Variants in TGM5 observed in about 807,000 individuals in gnomAD.
TGM5 encodes protein-glutamine gamma-glutamyltransferase 5.
A neutral mutation model predicts 77.2 loss-of-function variants in TGM5; 69 were observed. That is an observed-to-expected ratio of 0.89 (90% confidence interval 0.74 to 1.09). TGM5 has a LOEUF of 1.09. TGM5 is among the 50% of genes least tolerant of loss of function. The pLI, the probability that TGM5 is intolerant of heterozygous loss-of-function variation, is 0.00. For missense variants in TGM5, 842 were observed against 896.5 expected (o/e 0.94, Z 0.78); for synonymous variants, 346 against 351.8 (o/e 0.98, Z 0.18).
rs1283729300 is a variant in TGM5, at chr15:43,239,267, C to T, written c.1002-1G>A. On this transcript the variant is annotated splice_acceptor_variant, in intron 7 of 12. Transcript: ENST00000220420. LOFTEE classifies it high-confidence loss of function. ...GCACTCATTCCAGACATGGAAGTTC[C>T]TGTGTCAAACAGAGCCAAGGGAGAC... The T allele has an allele frequency of 6.2e-7, 1 of 1,614,142 alleles. No individual in the cohort carries two copies. Among genetic ancestry groups the T allele is most frequent in the East Asian group, 2.2e-5 (1 of 44,882 alleles).
chr15:43,248,324 C>A (rs1002342287), intron 6 of TGM5, among the ~76,000 whole-genome samples: 1 of 152,146 alleles, frequency 6.6e-6, no homozygotes, highest in Non-Finnish European at 1.5e-5. Context: ...AGGAACCCAC[C>A]ACCACGCCCA....
intron 6 of TGM5, among the ~76,000 whole-genome samples, chr15:43,242,053 T>A (rs1028541100): frequency 5.3e-5 from 8 of 151,744 alleles, no homozygotes; most frequent in Non-Finnish European, 1.2e-4. Context: ...TAATAGTATC[T>A]ACCAGCTGGG....
chr15:43,237,196 T>G (rs1188212999), intron 9 of TGM5, among the ~76,000 whole-genome samples: 1 of 152,222 alleles, frequency 6.6e-6, no homozygotes, highest in African/African-American at 2.4e-5. Context: ...ATCAAAGCCC[T>G]GCCCATATTC....
At chr15:43,258,749 C>A (rs916065265) in intron 3 of TGM5, among the ~76,000 whole-genome samples, 8 of 152,210 alleles carry the variant, frequency 5.3e-5, no homozygotes, top group African/African-American at 1.9e-4. Context: ...TCAGCCCCCA[C>A]CAACCCTAGG....
intron 6 of TGM5, among the ~76,000 whole-genome samples, chr15:43,241,485 A>T (rs1332118855): frequency 1.3e-5 from 2 of 152,172 alleles, no homozygotes; most frequent in East Asian, 3.8e-4. Context: ...AAGCCTCTCT[A>T]GAAAAGCATC....
At chr15:43,262,550 G>A (rs982333769) in intron 1 of TGM5, among the ~76,000 whole-genome samples, 42 of 152,324 alleles carry the variant, frequency 2.8e-4, no homozygotes, top group African/African-American at 9.6e-4. Context: ...ACTTTGGGAG[G>A]CCGAGGCGGG....
At chr15:43,243,343 CCA>C (rs1419163487) in intron 6 of TGM5, among the ~76,000 whole-genome samples, 1 of 152,230 alleles carries the variant, frequency 6.6e-6, no homozygotes, top group Non-Finnish European at 1.5e-5. Flanking sequence ...GTTCAACTCA[CCA>C]CTATCCTGAT....
chr15:43,239,113 G>A, intron 8 of TGM5, 50 bp downstream of exon 8: 1 of 1,614,130 alleles, frequency 6.2e-7, no homozygotes, highest in Non-Finnish European at 8.5e-7. Context: ...GGGCAGGGGT[G>A]GGGTGCTTTC....
At position 43,259,972 on chromosome 15, in the gene TGM5, G is replaced by A; in HGVS notation, c.436+80C>T. Reference sequence around the variant, plus strand: ...AGGCTCTGGGTGGCCCGGGAGCGGGGTCTAGAAACCCTTGAGCCTGTCTCT... The same window carrying A: ...AGGCTCTGGGTGGCCCGGGAGCGGGATCTAGAAACCCTTGAGCCTGTCTCT... On this transcript the variant is annotated intron_variant, in intron 3 of 12. Transcript: ENST00000220420. 1.9e-6 allele frequency: 3 copies of A among 1,606,006 alleles called. No homozygotes were observed. In the South Asian group the frequency reaches 3.3e-5, roughly 18 times the overall value.
chr15:43,250,305 A>G (rs1381491592), intron 6 of TGM5, among the ~76,000 whole-genome samples: 1 of 152,252 alleles, frequency 6.6e-6, no homozygotes, highest in Non-Finnish European at 1.5e-5. Context: ...ACTCTCCAGT[A>G]TGAAGTCACT....
In TGM5 at chr15:43,253,491, C is replaced by A. The variant is rs367910565; in HGVS notation, c.684+15G>T. The A allele has an allele frequency of 6.2e-7, 1 of 1,609,942 alleles. No individual in the cohort carries two copies. The highest frequency in any genetic ancestry group is 8.5e-7 in the Non-Finnish European group (1 of 1,179,996). ...GCACAGCTTCCTCCCTCCCCGGGCA[C>A]GCCAGGGACCTCACCATGGCACACA... On this transcript the variant is annotated intron_variant, in intron 5 of 12. Coordinates refer to ENST00000220420, the MANE Select transcript of TGM5 (RefSeq NM_201631.4).
chr15:43,244,511 C>T (rs2042658453), intron 6 of TGM5, among the ~76,000 whole-genome samples: 1 of 152,220 alleles, frequency 6.6e-6, no homozygotes, highest in Non-Finnish European at 1.5e-5. Context: ...ACTACATGCA[C>T]TGATGCAGTG....
intron 6 of TGM5, among the ~76,000 whole-genome samples, chr15:43,242,855 G>T (rs1264354181): frequency 1.3e-5 from 2 of 152,238 alleles, no homozygotes; most frequent in Non-Finnish European, 2.9e-5. Flanking sequence ...CCCTGAGACA[G>T]CAGTGAGGCA....
At chr15:43,261,697 T>G (rs1400766551) in intron 1 of TGM5, among the ~76,000 whole-genome samples, 2 of 152,188 alleles carry the variant, frequency 1.3e-5, no homozygotes, top group Non-Finnish European at 2.9e-5. Context: ...CACCTGTCAC[T>G]AACTCTCTTC....
intron 4 of TGM5, among the ~76,000 whole-genome samples, chr15:43,255,176 A>G (rs1014908436): frequency 1.3e-5 from 2 of 152,086 alleles, no homozygotes; most frequent in Non-Finnish European, 2.9e-5. Context: ...TCTGCAAAAA[A>G]TAAAAAAATT....
intron 6 of TGM5, among the ~76,000 whole-genome samples, chr15:43,252,509 G>T (rs1364071953): frequency 1.3e-5 from 2 of 151,952 alleles, no homozygotes; most frequent in African/African-American, 4.8e-5. Flanking sequence ...GTAGAGACGG[G>T]GTTTCACCAT....
chr15:43,244,920 T>C (rs1325153913), intron 6 of TGM5, among the ~76,000 whole-genome samples: 3 of 151,846 alleles, frequency 2.0e-5, no homozygotes, highest in Admixed American at 1.3e-4. Flanking sequence ...AATAAAAAAA[T>C]TGGCCGGGTA....
Position 43,239,024 on chromosome 15 carries a change from C to G in TGM5, c.1138G>C (p.Ala380Pro). The G allele has an allele frequency of 6.2e-7, 1 of 1,614,110 alleles. No individual in the cohort carries two copies. Among genetic ancestry groups the G allele is most frequent in the Middle Eastern group, 1.6e-4 (1 of 6,062 alleles). ...VYCCGPASVR[A>P]IKEGEVDLNY... is the part of the protein sequence containing the mutation. The stretch of plus-strand genomic sequence containing the variant: ...AGGTCCACTTCTCCTTCTTTGATGG[C>G]TCTGACAGAGGCAGGGCCACAGCAG... Residue 380 changes from alanine (A) to proline (P), a missense_variant, in exon 9 of 13, where the codon GCC (alanine) becomes CCC (proline). Transcript: ENST00000220420.
intron 6 of TGM5, among the ~76,000 whole-genome samples, chr15:43,251,169 G>A (rs2042700736): frequency 6.6e-6 from 1 of 152,098 alleles, no homozygotes; most frequent in African/African-American, 2.4e-5. Flanking sequence ...TTCATGACAT[G>A]GAGTCTCAAA....
Sources: allele counts gnomAD v4.1 joint callset (sites outside exome capture counted in the v4.1 genomes callset), GRCh38; gene constraint gnomAD v4.1.1; transcripts MANE v1.5; gene names NCBI Gene and HGNC (gene_info 2026-07-23, HGNC 2026-07-21).